The following ATF6 variants were observed in gnomAD, a reference collection of about 807,000 sequenced individuals.
ATF6 encodes activating transcription factor 6.
A neutral mutation model predicts 83.6 loss-of-function variants in ATF6; 53 were observed. The ratio of observed to expected loss-of-function variants is 0.63; its 90% CI spans 0.51 to 0.80. The LOEUF is 0.80. Ranked by LOEUF, ATF6 falls within the 30% of genes least tolerant of loss-of-function variation. The pLI is 0.00. For missense variants in ATF6, 744 were observed against 797.9 expected (o/e 0.93, Z 0.81); for synonymous variants, 288 against 285.8 (o/e 1.01, Z -0.08).
intron 9 of ATF6, among the ~76,000 whole-genome samples, chr1:161,834,087 G>A (rs1314376926): frequency 6.6e-6 from 1 of 152,224 alleles, no homozygotes. Context: ...CCAGAAGAGA[G>A]TGGGGGCCAA....
At chr1:161,885,913 G>C (rs12023191) in intron 14 of ATF6, among the ~76,000 whole-genome samples, 21,665 of 152,152 alleles carry the variant, frequency 0.14, 2,117 homozygotes, top group East Asian at 0.32. Flanking sequence ...AATAAAACTA[G>C]TATGTTTGAA....
chr1:161,780,239 C>T (rs1207369129), intron 2 of ATF6, among the ~76,000 whole-genome samples: 4 of 151,926 alleles, frequency 2.6e-5, no homozygotes, highest in South Asian at 2.1e-4. Context: ...GTTTCTGTTA[C>T]ATTCTCAATA....
chr1:161,860,183 C>T, intron 12 of ATF6, 24 bp from the exon 13 acceptor site: 2 of 1,208,248 alleles, frequency 1.7e-6, no homozygotes, highest in Non-Finnish European at 2.3e-6. Flanking sequence ...CAGTATTAAA[C>T]TTTTTTTTTT....
intron 2 of ATF6, among the ~76,000 whole-genome samples, chr1:161,780,735 G>T (rs1160618248): frequency 6.8e-6 from 1 of 147,700 alleles, no homozygotes; most frequent in Non-Finnish European, 1.5e-5. Flanking sequence ...TCTTTGACAG[G>T]GTCTGGCTCT....
At chr1:161,814,802 A>G (rs1025251559) in intron 7 of ATF6, among the ~76,000 whole-genome samples, 2 of 152,208 alleles carry the variant, frequency 1.3e-5, no homozygotes, top group African/African-American at 4.8e-5. Flanking sequence ...AAGTTTTTTA[A>G]TGTATTTGAA....
intron 15 of ATF6, among the ~76,000 whole-genome samples, chr1:161,919,395 C>T (rs531431471): frequency 3.3e-5 from 5 of 152,208 alleles, no homozygotes; most frequent in Admixed American, 2.6e-4. Context: ...CTAACATTTC[C>T]TGCTTTCAAA....
At chr1:161,863,150 A>T (rs757409489) in intron 13 of ATF6, 48 bp from the exon 14 acceptor site, 1 of 1,173,092 alleles carries the variant, frequency 8.5e-7, no homozygotes, top group East Asian at 2.4e-5. Context: ...TTTTGGGAAA[A>T]CAGGAAACTT....
intron 10 of ATF6, among the ~76,000 whole-genome samples, chr1:161,848,235 T>A (rs1686529149): frequency 6.6e-6 from 1 of 152,174 alleles, no homozygotes; most frequent in Non-Finnish European, 1.5e-5. Context: ...TTTGATGTTC[T>A]TGATTTTATC....
At chr1:161,873,584 T>C (rs1687157606) in intron 14 of ATF6, among the ~76,000 whole-genome samples, 1 of 151,624 alleles carries the variant, frequency 6.6e-6, no homozygotes, top group African/African-American at 2.4e-5. Context: ...GGTGTTTTCC[T>C]GAAAAATGTT....
rs373832803 is a variant in ATF6 at position 161,792,120 on chromosome 1, C to G, written c.485-4C>G. The G allele has an allele frequency of 8.7e-6, 14 of 1,613,160 alleles. No homozygotes were observed. The highest frequency in any genetic ancestry group is 1.7e-5 in the Admixed American group (1 of 59,974). On this transcript the variant is annotated splice_polypyrimidine_tract_variant and splice_region_variant and intron_variant, in intron 5 of 15. Transcript: ENST00000367942. Reference sequence around the variant, plus strand: ...GACTTGTGGTTTGTCTGGTTTTTCTCCAGAAAATGGACTGACTCCAAAGAA... The same window carrying G: ...GACTTGTGGTTTGTCTGGTTTTTCTGCAGAAAATGGACTGACTCCAAAGAA...
intron 1 of ATF6, 79 bp downstream of exon 1, chr1:161,766,521 G>A: frequency 2.1e-6 from 3 of 1,401,428 alleles, no homozygotes; most frequent in South Asian, 2.5e-5. Context: ...CCGCCCACTC[G>A]TGGTGACAGG....
intron 14 of ATF6, among the ~76,000 whole-genome samples, chr1:161,866,743 TTTTGTTTG>T (rs531944067): frequency 2.0e-5 from 3 of 152,100 alleles, no homozygotes; most frequent in African/African-American, 4.8e-5. Context: ...TTAATGCCTT[TTTTGTTTG>T]TTTGTTTGTT....
intron 15 of ATF6, among the ~76,000 whole-genome samples, chr1:161,940,913 C>G (rs1255235529): frequency 6.6e-6 from 1 of 152,130 alleles, no homozygotes; most frequent in Non-Finnish European, 1.5e-5. Context: ...TAGGCACCTT[C>G]CTCTTTATTC....
chr1:161,802,290 G>A lies in ATF6; in HGVS notation c.909+18G>A. On this transcript the variant is annotated intron_variant, in intron 7 of 15. Coordinates refer to ENST00000367942, the MANE Select transcript of ATF6 (RefSeq NM_007348.4). Reference sequence around the variant, plus strand: ...GTTCAGATGTAAGTTTTGAAACTTAGTGCTTCTCTTAATGCCTGATTTAAA... The same window carrying A: ...GTTCAGATGTAAGTTTTGAAACTTAATGCTTCTCTTAATGCCTGATTTAAA... The A allele has an allele frequency of 6.2e-7, 1 of 1,602,770 alleles. No homozygotes were observed. Among genetic ancestry groups the A allele is most frequent in the Non-Finnish European group, 8.5e-7 (1 of 1,170,184 alleles).
intron 10 of ATF6, among the ~76,000 whole-genome samples, chr1:161,846,795 G>A (rs980390600): frequency 6.6e-6 from 1 of 151,892 alleles, no homozygotes; most frequent in Non-Finnish European, 1.5e-5. Context: ...CTATAGAGAT[G>A]TAATCTTAAA....
intron 7 of ATF6, among the ~76,000 whole-genome samples, chr1:161,813,408 C>G (rs1167292156): frequency 6.6e-6 from 1 of 152,086 alleles, no homozygotes; most frequent in Admixed American, 6.5e-5. Context: ...AGCATCAGCC[C>G]CAGAATTATT....
chr1:161,776,376 A>G (rs747867446), intron 1 of ATF6, among the ~76,000 whole-genome samples: 1 of 152,106 alleles, frequency 6.6e-6, no homozygotes, highest in Non-Finnish European at 1.5e-5. Context: ...TATGAGGCAT[A>G]TTGCTGGAGA....
At chr1:161,842,529 A>G (rs1686381406) in intron 9 of ATF6, among the ~76,000 whole-genome samples, 1 of 152,200 alleles carries the variant, frequency 6.6e-6, no homozygotes, top group African/African-American at 2.4e-5. Context: ...AATACTACTC[A>G]GTCATAAAAA....
chr1:161,958,547 T>C lies in ATF6; in HGVS notation c.1906T>C (p.Tyr636His). ...TATCAAAAGTTCGTCAGTTCCTCCT[T>C]ACCTCCGAGATCAGCAGAGGAATCA... ...LHIKSSSVPP[Y>H]LRDQQRNQTN... Residue 636 changes from tyrosine (Y) to histidine (H), a missense_variant, in exon 16 of 16, where the codon TAC (tyrosine) becomes CAC (histidine). Tyr to His is a moderately conservative substitution (Grantham distance 83, BLOSUM62 2). Transcript: ENST00000367942. The C allele has an allele frequency of 1.2e-6, 2 of 1,614,058 alleles. No individual in the cohort carries two copies. The highest frequency in any genetic ancestry group is 2.2e-5 in the South Asian group (2 of 91,074).
Sources: gnomAD v4.1 joint callset for allele counts (sites outside exome capture counted in the v4.1 genomes callset) on GRCh38, gnomAD v4.1.1 for gene constraint, MANE v1.5 for transcripts, NCBI Gene and HGNC (gene_info 2026-07-23, HGNC 2026-07-21) for gene names.